PPHLN1: variants seen among roughly 807,000 people sequenced by gnomAD.
PPHLN1 encodes the protein periphilin-1.
In PPHLN1, 29 loss-of-function variants were observed where a neutral mutation model predicts 51.3. That is an observed-to-expected ratio of 0.57 (90% CI 0.42 to 0.77). The LOEUF is 0.77. PPHLN1 is among the 30% of genes least tolerant of loss of function. The pLI, the probability that PPHLN1 is intolerant of heterozygous loss-of-function variation, is 0.00. For synonymous variants in PPHLN1, 147 were observed against 147.8 expected, an observed-to-expected ratio of 0.99 and a Z score of 0.04; for missense variants, 436 against 438.4, an observed-to-expected ratio of 0.99 and a Z score of 0.05.
chr12:42,364,930 A>G (rs755891657), intron 4 of PPHLN1, among the ~76,000 whole-genome samples: 3 of 152,120 alleles, frequency 2.0e-5, no homozygotes, highest in East Asian at 3.9e-4. Context: ...AAAACAAACA[A>G]AGTTCTAGTT....
At position 42,374,844 on chromosome 12, in the gene PPHLN1, G is replaced by GGT; in HGVS notation, c.300-19_300-18insGT. Reference sequence around the variant, plus strand: ...ATAGAGTATAATTAACTTATTTTATGTTTTTTTTTTTTTCAAAGGGACATG... The same window carrying GGT: ...ATAGAGTATAATTAACTTATTTTATGGTTTTTTTTTTTTTTCAAAGGGACATG... On this transcript the variant is annotated intron_variant, in intron 4 of 9. Transcript: ENST00000358314. 1.5e-6 allele frequency: 2 copies of GGT among 1,319,378 alleles called. No individual in the cohort carries two copies. The highest frequency in any genetic ancestry group is 2.1e-6 in the Non-Finnish European group (2 of 957,226). 81.7% of individuals were successfully genotyped at this position (1,319,378 alleles called of 1,614,324 possible).
chr12:42,366,559 G>T (rs1198283585), intron 4 of PPHLN1, among the ~76,000 whole-genome samples: 2 of 150,296 alleles, frequency 1.3e-5, no homozygotes, highest in African/African-American at 4.9e-5. Flanking sequence ...TTTTGTTTTT[G>T]TTTTTTTGAG....
At chr12:42,446,607 A>G (rs748047764), downstream of PPHLN1, 7 of 1,613,342 alleles carry the variant, frequency 4.3e-6, no homozygotes, top group Non-Finnish European at 5.9e-6. Context: ...AAAGCCAGAA[A>G]ACAAGCAGTA....
At chr12:42,428,631 G>C (rs957983268) in intron 9 of PPHLN1, among the ~76,000 whole-genome samples, 2 of 152,010 alleles carry the variant, frequency 1.3e-5, no homozygotes, top group African/African-American at 4.8e-5. Context: ...GAGTGGGAGG[G>C]GGGTGAGGGA....
intron 2 of PPHLN1, among the ~76,000 whole-genome samples, chr12:42,338,684 T>TTAGGA (rs557729858): frequency 6.6e-4 from 101 of 152,312 alleles, no homozygotes; most frequent in African/African-American, 2.3e-3. Flanking sequence ...AATGAAACTA[T>TTAGGA]TAGGATAGAC....
At chr12:42,337,254 T>C (rs1176118154) in intron 2 of PPHLN1, among the ~76,000 whole-genome samples, 1 of 151,890 alleles carries the variant, frequency 6.6e-6, no homozygotes, top group Non-Finnish European at 1.5e-5. Context: ...TTCTGTTTTT[T>C]TTTTTCTTTT....
intron 9 of PPHLN1, chr12:42,432,299 C>T: frequency 4.0e-6 from 3 of 754,092 alleles, no homozygotes; most frequent in Non-Finnish European, 7.4e-6. Context: ...AGACCTAGAA[C>T]CAATCTGTTA....
chr12:42,410,164 T>G (rs1386856530), intron 9 of PPHLN1, among the ~76,000 whole-genome samples: 1 of 147,940 alleles, frequency 6.8e-6, no homozygotes, highest in East Asian at 2.0e-4. Context: ...TACATACAAA[T>G]ATGTTTTCAT....
chr12:42,399,504 A>G (rs1283539438), intron 9 of PPHLN1: 1 of 801,090 alleles, frequency 1.2e-6, no homozygotes, highest in Non-Finnish European at 1.5e-6. Context: ...TCATTTTATG[A>G]GGATTAAATG....
chr12:42,427,248 C>T (rs1362315730), intron 9 of PPHLN1, among the ~76,000 whole-genome samples: 1 of 152,104 alleles, frequency 6.6e-6, no homozygotes, highest in Non-Finnish European at 1.5e-5. Flanking sequence ...GGATAATTCT[C>T]AAATATTTCT....
At chr12:42,332,096 A>G (rs1179468135) in intron 1 of PPHLN1, among the ~76,000 whole-genome samples, 1 of 152,054 alleles carries the variant, frequency 6.6e-6, no homozygotes, top group Non-Finnish European at 1.5e-5. Flanking sequence ...TCCAGCTACT[A>G]GGGAGGTTGA....
chr12:42,389,157 G>A (rs1221218151), intron 7 of PPHLN1, among the ~76,000 whole-genome samples: 1 of 152,094 alleles, frequency 6.6e-6, no homozygotes, highest in Non-Finnish European at 1.5e-5. Context: ...CGGATCATGA[G>A]GTCAAGAGAT....
At chr12:42,405,743 T>A (rs1669900) in intron 9 of PPHLN1, among the ~76,000 whole-genome samples, 45,125 of 152,120 alleles carry the variant, frequency 0.3, 7,775 homozygotes, top group Non-Finnish European at 0.38. Flanking sequence ...AGATTTTTAA[T>A]CCCTCAATTA....
chr12:42,431,859 A>G (rs1163672955), intron 9 of PPHLN1: 25 of 1,580,812 alleles, frequency 1.6e-5, no homozygotes, highest in Non-Finnish European at 2.0e-5. Context: ...CAATAACTGA[A>G]GCTGTATCAG....
At chr12:42,410,795 A>G (rs1188982088) in intron 9 of PPHLN1, among the ~76,000 whole-genome samples, 4 of 152,262 alleles carry the variant, frequency 2.6e-5, no homozygotes, top group African/African-American at 4.8e-5. Flanking sequence ...GATTTCTCAT[A>G]AAGTTAGTAC....
intron 9 of PPHLN1, among the ~76,000 whole-genome samples, chr12:42,430,583 G>A (rs1276925668): frequency 6.6e-6 from 1 of 151,750 alleles, no homozygotes; most frequent in Non-Finnish European, 1.5e-5. Flanking sequence ...TGCAACCTCC[G>A]CCTTCCCGGT....
chr12:42,406,350 GAT>G (rs1451141753), intron 9 of PPHLN1, among the ~76,000 whole-genome samples: 1 of 152,200 alleles, frequency 6.6e-6, no homozygotes, highest in Non-Finnish European at 1.5e-5. Flanking sequence ...AAAGTGCTGG[GAT>G]TACAGGCGTG....
At chr12:42,393,984 C>T (rs1180870146) in intron 8 of PPHLN1, among the ~76,000 whole-genome samples, 1 of 151,936 alleles carries the variant, frequency 6.6e-6, no homozygotes, top group African/African-American at 2.4e-5. Flanking sequence ...TTAAAAGTAT[C>T]TCAGGAAATC....
chr12:42,402,655 T>C (rs2078942819), intron 9 of PPHLN1, among the ~76,000 whole-genome samples: 1 of 151,234 alleles, frequency 6.6e-6, no homozygotes, highest in African/African-American at 2.4e-5. Flanking sequence ...CATATTTAAC[T>C]ATAGAATTTT....
Sources: allele counts gnomAD v4.1 joint callset (sites outside exome capture counted in the v4.1 genomes callset), GRCh38; gene constraint gnomAD v4.1.1; transcripts MANE v1.5; gene names NCBI Gene and HGNC (gene_info 2026-07-23, HGNC 2026-07-21).